SEPTIN7: variants seen among roughly 807,000 people sequenced by gnomAD.
The protein encoded by SEPTIN7 is septin-7.
A neutral mutation model predicts 63.3 loss-of-function variants in SEPTIN7; 10 were observed. That is an observed-to-expected ratio of 0.16 (90% CI 0.10 to 0.27). SEPTIN7 has a LOEUF of 0.27. SEPTIN7 is among the 10% of genes least tolerant of loss of function. The pLI, the probability that SEPTIN7 is intolerant of heterozygous loss-of-function variation, is 1.00. For missense variants in SEPTIN7, 310 were observed against 521.0 expected (o/e 0.59, Z 3.94); for synonymous variants, 131 against 165.3 (o/e 0.79, Z 1.59).
rs187647432 is a variant in SEPTIN7, at chr7:35,832,276, A to G, written c.67-522A>G. Among the ~76,000 whole-genome samples, 67 of 152,278 alleles carry G rather than the reference A, an allele frequency of 4.4e-4. No homozygotes were observed. The East Asian group carries it at 0.011, about 25-fold the overall frequency. Reference sequence around the variant, plus strand: ...ATACTGTAGCTGGTTGACACTGATCACAAGAGCCTTCAAGAGTTTATTTTT... The same window carrying G: ...ATACTGTAGCTGGTTGACACTGATCGCAAGAGCCTTCAAGAGTTTATTTTT... On this transcript the variant is annotated intron_variant, in intron 2 of 13. Coordinates refer to ENST00000350320, the MANE Select transcript of SEPTIN7 (RefSeq NM_001788.6).
At chr7:35,826,454 G>A (rs1046617319) in intron 1 of SEPTIN7, among the ~76,000 whole-genome samples, 17 of 151,022 alleles carry the variant, frequency 1.1e-4, no homozygotes, top group African/African-American at 4.1e-4. Context: ...ATTTAGAAAA[G>A]ATCAATGGCT....
intron 9 of SEPTIN7, among the ~76,000 whole-genome samples, chr7:35,884,464 A>G (rs758457765): frequency 4.6e-5 from 7 of 152,302 alleles, no homozygotes; most frequent in Non-Finnish European, 7.4e-5. Context: ...CCTGGCTGGC[A>G]TCCTGCCTCA....
At chr7:35,804,919 C>G (rs890288772) in intron 1 of SEPTIN7, among the ~76,000 whole-genome samples, 2 of 150,650 alleles carry the variant, frequency 1.3e-5, no homozygotes, top group African/African-American at 4.9e-5. Context: ...TCACCGCAAC[C>G]TCTGTCTGCC....
chr7:35,885,710 A>C, intron 9 of SEPTIN7, 118 bp from the exon 10 acceptor site: 3 of 742,170 alleles, frequency 4.0e-6, no homozygotes, highest in Non-Finnish European at 7.1e-6. Flanking sequence ...TCTCAAAAAA[A>C]TTGATCTGTT....
At chr7:35,912,617 C>T in the SEPTIN7 span, among the ~76,000 whole-genome samples, 1 of 152,188 alleles carries the variant, frequency 6.6e-6, no homozygotes, top group Non-Finnish European at 1.5e-5. Flanking sequence ...CCCGACTGAG[C>T]TGGTCTCGGC....
At chr7:35,803,813 GAATTGTAA>G (rs1788156560) in intron 1 of SEPTIN7, among the ~76,000 whole-genome samples, 2 of 152,288 alleles carry the variant, frequency 1.3e-5, no homozygotes, top group South Asian at 4.1e-4. Flanking sequence ...TTAAGGAGCA[GAATTGTAA>G]GGTAGTTTGA....
intron 10 of SEPTIN7, 38 bp from the exon 11 acceptor site, chr7:35,890,630 A>G (rs370319408): frequency 1.1e-5 from 15 of 1,398,588 alleles, no homozygotes; most frequent in Middle Eastern, 5.5e-4. Context: ...CCCCCTAGCT[A>G]TTAATAGAAG....
chr7:35,857,498 A>G (rs1422843779), intron 3 of SEPTIN7, among the ~76,000 whole-genome samples: 6 of 152,214 alleles, frequency 3.9e-5, no homozygotes, highest in Non-Finnish European at 8.8e-5. Context: ...AATACAAAAC[A>G]GCTTGGTTTT....
intron 8 of SEPTIN7, among the ~76,000 whole-genome samples, chr7:35,882,967 G>A (rs764570301): frequency 3.3e-5 from 5 of 152,196 alleles, no homozygotes; most frequent in South Asian, 2.1e-4. Flanking sequence ...GATAGGAGGA[G>A]TAAGTTCTAG....
At chr7:35,868,098 G>A (rs1477929891) in intron 4 of SEPTIN7, among the ~76,000 whole-genome samples, 6 of 152,180 alleles carry the variant, frequency 3.9e-5, no homozygotes, top group East Asian at 1.9e-4. Context: ...TCGAACTCCC[G>A]ACCTCAACTG....
chr7:35,836,408 A>T (rs1056793331), intron 3 of SEPTIN7, among the ~76,000 whole-genome samples: 9 of 152,220 alleles, frequency 5.9e-5, no homozygotes, highest in Non-Finnish European at 1.0e-4. Flanking sequence ...TCCTAGGAAG[A>T]TAGAATCCAA....
At chr7:35,827,536 G>A (rs1190422342) in intron 1 of SEPTIN7, among the ~76,000 whole-genome samples, 1 of 151,970 alleles carries the variant, frequency 6.6e-6, no homozygotes, top group East Asian at 1.9e-4. Flanking sequence ...TGTCATCCAG[G>A]TTGGAGTGCA....
At chr7:35,899,178 T>C (rs1038641541) in intron 12 of SEPTIN7, 2 of 152,190 alleles carry the variant, frequency 1.3e-5, no homozygotes, top group African/African-American at 4.8e-5. Flanking sequence ...AAACTATGGG[T>C]AATCCCAAAA....
intron 4 of SEPTIN7, among the ~76,000 whole-genome samples, chr7:35,869,508 A>G (rs1432817868): frequency 1.3e-5 from 2 of 152,250 alleles, no homozygotes; most frequent in African/African-American, 4.8e-5. Context: ...AAGTGAAGGT[A>G]GAGGTAGGCT....
chr7:35,826,897 A>G (rs1422316222), intron 1 of SEPTIN7, among the ~76,000 whole-genome samples: 13 of 152,194 alleles, frequency 8.5e-5, no homozygotes, highest in Non-Finnish European at 1.6e-4. Context: ...AAATGGCAAG[A>G]GAACGTAAAG....
At chr7:35,825,178 C>T (rs1199888937) in intron 1 of SEPTIN7, among the ~76,000 whole-genome samples, 1 of 152,136 alleles carries the variant, frequency 6.6e-6, no homozygotes, top group Non-Finnish European at 1.5e-5. Context: ...GAATGTGACT[C>T]TGCATGTGAA....
At chr7:35,818,188 G>C (rs1789200117) in intron 1 of SEPTIN7, among the ~76,000 whole-genome samples, 1 of 152,020 alleles carries the variant, frequency 6.6e-6, no homozygotes, top group South Asian at 2.1e-4. Context: ...CGTTGAAAGA[G>C]TGTTGAATTT....
downstream of SEPTIN7, among the ~76,000 whole-genome samples, chr7:35,910,711 G>A (rs994546713): frequency 4.6e-5 from 7 of 152,196 alleles, no homozygotes; most frequent in Admixed American, 1.3e-4. Flanking sequence ...GGGAGAAACA[G>A]GGATTACGGG....
chr7:35,817,793 T>G (rs1371949702), intron 1 of SEPTIN7, among the ~76,000 whole-genome samples: 1 of 152,056 alleles, frequency 6.6e-6, no homozygotes, highest in Non-Finnish European at 1.5e-5. Context: ...TTCTTGATGC[T>G]ATCACAGATG....
Sources: gnomAD v4.1 joint callset for allele counts (sites outside exome capture counted in the v4.1 genomes callset) on GRCh38, gnomAD v4.1.1 for gene constraint, MANE v1.5 for transcripts, NCBI Gene and HGNC (gene_info 2026-07-23, HGNC 2026-07-21) for gene names.